GYG1: variants seen among roughly 807,000 people sequenced by gnomAD.
GYG1 encodes the protein glycogenin-1.
In GYG1, 44 loss-of-function variants were observed where a neutral mutation model predicts 41.9. That is an observed-to-expected ratio of 1.05 (90% confidence interval 0.83 to 1.35). GYG1 has a LOEUF of 1.35. Among genes scored for constraint, GYG1 ranks in the 40% most tolerant of loss-of-function variants. GYG1 has a pLI of 0.00. For synonymous variants in GYG1, 141 were observed against 158.1 expected (o/e 0.89, Z 0.81); for missense variants, 429 against 418.9 (o/e 1.02, Z -0.21).
At chr3:149,013,677 A>G (rs1713862367) in intron 5 of GYG1, among the ~76,000 whole-genome samples, 1 of 152,192 alleles carries the variant, frequency 6.6e-6, no homozygotes, top group Non-Finnish European at 1.5e-5. Flanking sequence ...CTCATTCACT[A>G]AGACCTTATC....
chr3:149,004,325 G>C (rs1469105559), intron 4 of GYG1, among the ~76,000 whole-genome samples: 1 of 152,128 alleles, frequency 6.6e-6, no homozygotes, highest in Non-Finnish European at 1.5e-5. Flanking sequence ...AAAATGTATC[G>C]GACAAAAGTT....
chr3:148,995,042 TAAA>T (rs1712708296), intron 2 of GYG1, among the ~76,000 whole-genome samples: 1 of 152,126 alleles, frequency 6.6e-6, no homozygotes, highest in Admixed American at 6.5e-5. Flanking sequence ...TCATCTCTAC[TAAA>T]AATACAAAAA....
At chr3:149,007,914 G>A (rs1361130676) in intron 4 of GYG1, 2 of 152,164 alleles carry the variant, frequency 1.3e-5, no homozygotes, top group Admixed American at 6.5e-5. Flanking sequence ...AAAATAGAAA[G>A]CACATGAAAT....
At position 149,009,287 on chromosome 3, in the gene GYG1, G is replaced by A; in HGVS notation, c.493G>A (p.Gly165Ser). The change falls in exon 5 of 8, where the codon GGC becomes AGC. Residue 165 changes from glycine (G) to serine (S), a missense_variant. Coordinates refer to ENST00000345003, the MANE Select transcript of GYG1 (RefSeq NM_004130.4). Reference sequence around the variant, plus strand: ...TTTTTTTCTTTTAGGTGGGGACCAAGGCATACTGAACACATTTTTTAGCAG... The same window carrying A: ...TTTTTTTCTTTTAGGTGGGGACCAAAGCATACTGAACACATTTTTTAGCAG... ...EQGSFDGGDQ[G>S]ILNTFFSSWA... The A allele has an allele frequency of 6.2e-7, 1 of 1,612,472 alleles. No individual in the cohort carries two copies. The highest frequency in any genetic ancestry group is 8.5e-7 in the Non-Finnish European group (1 of 1,178,490).
Position 149,030,866 on chromosome 3 carries a change from T to G in GYG1, c.*3933T>G, listed in dbSNP as rs1450075994. The G allele has an allele frequency of 6.6e-6, 1 of 152,208 alleles. No individual in the cohort carries two copies. The highest frequency in any genetic ancestry group is 1.5e-5 in the Non-Finnish European group (1 of 68,030). The allele number at this position is 152,208 out of a possible 1,614,324, so 9.4% of individuals were successfully genotyped here. A position where few individuals can be genotyped will look rare whatever the true frequency, so the allele number is the denominator to read the frequency against. ...AGAAAAGGACTTATCTGGTGAGAGA[T>G]TTGGCATATACCTTCAATGTGTGCC... On this transcript the variant is annotated 3_prime_UTR_variant, in exon 8 of 8. Transcript: ENST00000345003.
rs1712469871 is a variant in GYG1, at chr3:148,991,636, G to A, written c.-5G>A. ...GCCCCGGCCGCCTGCGCACCCGGCA[G>A]CACCATGACAGGTACCGCCGCGCAG... On this transcript the variant is annotated 5_prime_UTR_variant, in exon 1 of 8. Coordinates refer to ENST00000345003, the MANE Select transcript of GYG1 (RefSeq NM_004130.4). The A allele has an allele frequency of 6.4e-7, 1 of 1,551,926 alleles. No homozygotes were observed. The highest frequency in any genetic ancestry group is 1.2e-5 in the South Asian group (1 of 85,538).
At chr3:149,016,895 C>T (rs112357294) in intron 5 of GYG1, among the ~76,000 whole-genome samples, 8 of 152,162 alleles carry the variant, frequency 5.3e-5, no homozygotes, top group African/African-American at 1.7e-4. Flanking sequence ...ATGAGTGAGT[C>T]GCAATATAAT....
At chr3:149,013,114 A>C (rs1011549239) in intron 5 of GYG1, among the ~76,000 whole-genome samples, 1 of 152,012 alleles carries the variant, frequency 6.6e-6, no homozygotes. Flanking sequence ...CAGCCTCCCA[A>C]AGTGCTGGGA....
intron 5 of GYG1, among the ~76,000 whole-genome samples, chr3:149,017,085 G>A (rs1489697510): frequency 6.6e-6 from 1 of 152,194 alleles, no homozygotes; most frequent in Non-Finnish European, 1.5e-5. Context: ...TTCCTTTTCT[G>A]TTCTAAACAG....
rs2107887695 is a variant in GYG1 at position 148,996,781 on chromosome 3, T to C, written c.358T>C (p.Leu120=). 9 of 1,613,942 alleles carry C rather than the reference T, an allele frequency of 5.6e-6. No homozygotes were observed. The highest frequency in any genetic ancestry group is 7.6e-6 in the Non-Finnish European group (9 of 1,179,788). The part of the protein sequence containing the change: ...NIDDLFDREE[L]SAAPDPGWPD... ...TGATGATCTTTTTGACAGAGAAGAA[T>C]TGTCAGCAGCACCAGACCCAGGGTG... Residue 120 remains leucine, a synonymous_variant, in exon 4 of 8, where the codon TTG becomes CTG. Coordinates refer to ENST00000345003, the MANE Select transcript of GYG1 (RefSeq NM_004130.4).
chr3:149,020,071 T>A (rs1224993753), intron 5 of GYG1, among the ~76,000 whole-genome samples: 2 of 151,950 alleles, frequency 1.3e-5, no homozygotes, highest in Non-Finnish European at 2.9e-5. Flanking sequence ...TCCAGCACAG[T>A]CTACTTGTGG....
intron 4 of GYG1, chr3:149,007,853 C>G (rs138295060): frequency 6.6e-6 from 1 of 152,322 alleles, no homozygotes; most frequent in East Asian, 1.9e-4. Context: ...TCCTGTTCTG[C>G]TGCTTGGGAG....
intron 5 of GYG1, among the ~76,000 whole-genome samples, chr3:149,013,503 C>T (rs1455869358): frequency 6.6e-6 from 1 of 152,162 alleles, no homozygotes. Context: ...AGTACAAAGC[C>T]TCATTCACCC....
chr3:149,012,766 ATGCT>A (rs1378589056), intron 5 of GYG1, among the ~76,000 whole-genome samples: 3 of 152,164 alleles, frequency 2.0e-5, no homozygotes, highest in Admixed American at 1.3e-4. Flanking sequence ...GAAAATTAAA[ATGCT>A]TGGTTTAGTA....
At chr3:148,994,305 C>G in intron 2 of GYG1, 28 bp downstream of exon 2, 1 of 1,612,244 alleles carries the variant, frequency 6.2e-7, no homozygotes. Context: ...ACCCCAGCAT[C>G]CAAGGGGCTC....
chr3:149,026,450 A>G lies in GYG1; in HGVS notation c.829-2A>G. On this transcript the variant is annotated splice_acceptor_variant, in intron 6 of 7. Transcript: ENST00000345003. LOFTEE classifies it high-confidence loss of function. The stretch of plus-strand genomic sequence containing the variant: ...TTACACTTTCTAATGAACTGTTTGC[A>G]GCTTTCAGACTTGGTCTATACACTG... The G allele has an allele frequency of 1.9e-6, 3 of 1,592,626 alleles. No homozygotes were observed.
Position 149,028,548 on chromosome 3 carries a change from A to G in GYG1, c.*1615A>G, listed in dbSNP as rs1714770918. 6.6e-6 allele frequency among the ~76,000 whole-genome samples: 1 copy of G among 152,134 alleles called. No individual in the cohort carries two copies. Among genetic ancestry groups the G allele is most frequent in the Admixed American group, 6.5e-5 (1 of 15,272 alleles). ...TCTGGCTTCCGAGTCCCTGGTTAAG[A>G]TGAACAGAAACACAGTCTTCAGATA... On this transcript the variant is annotated 3_prime_UTR_variant, in exon 8 of 8. Coordinates refer to ENST00000345003, the MANE Select transcript of GYG1 (RefSeq NM_004130.4).
In GYG1 at chr3:149,030,610, C is replaced by G. The variant is rs1476433731; in HGVS notation, c.*3677C>G. 3.9e-5 allele frequency: 6 copies of G among 152,346 alleles called. No homozygotes were observed. In the East Asian group the frequency reaches 1.2e-3, roughly 29 times the overall value. The allele number at this position is 152,346 out of a possible 1,614,324, so 9.4% of individuals were successfully genotyped here. A position where few individuals can be genotyped will look rare whatever the true frequency, so the allele number is the denominator to read the frequency against. On this transcript the variant is annotated 3_prime_UTR_variant, in exon 8 of 8. Coordinates refer to ENST00000345003, the MANE Select transcript of GYG1 (RefSeq NM_004130.4). ...TATTGCTATATGGAGAACCCATACTCTGATCAACTTGATTTTTTGTGTGTA... is the reference window on the plus strand; with the variant it reads ...TATTGCTATATGGAGAACCCATACTGTGATCAACTTGATTTTTTGTGTGTA...
At position 149,028,118 on chromosome 3, in the gene GYG1, T is replaced by C. The variant is rs1714749669; in HGVS notation, c.*1185T>C. On this transcript the variant is annotated 3_prime_UTR_variant, in exon 8 of 8. Transcript: ENST00000345003. The stretch of plus-strand genomic sequence containing the variant: ...AAATGAGTGGTCAGAAATGATTCTA[T>C]GGAAGAAAACAGGACAGTTAACCAT... Among the ~76,000 whole-genome samples the C allele has an allele frequency of 6.6e-6, 1 of 152,222 alleles. No homozygotes were observed. The highest frequency in any genetic ancestry group is 1.5e-5 in the Non-Finnish European group (1 of 68,026).
Sources: gnomAD v4.1 joint callset for allele counts (sites outside exome capture counted in the v4.1 genomes callset) on GRCh38, gnomAD v4.1.1 for gene constraint, MANE v1.5 for transcripts, NCBI Gene and HGNC (gene_info 2026-07-23, HGNC 2026-07-21) for gene names.